Variants in RNU4-1 observed in about 807,000 individuals in gnomAD.
RNU4-1 encodes RNA, U4 small nuclear 1.
exon 1 of RNU4-1, chr12:120,293,199 T>TA (rs1872139460): frequency 6.6e-6 from 1 of 152,206 alleles, no homozygotes; most frequent in Non-Finnish European, 1.5e-5. Context: ...GCGCCTCGGA[T>TA]AGACCTCATT....
chr12:120,293,155 G>C (rs557504879), exon 1 of RNU4-1: 5 of 152,132 alleles, frequency 3.3e-5, no homozygotes, highest in Non-Finnish European at 5.9e-5. Context: ...CGTCACGGCG[G>C]GGTATTGGGA....
At position 120,293,133 on chromosome 12, in the gene RNU4-1, T is replaced by C. The variant is rs546365213; in HGVS notation, n.105A>G. 6.7e-4 allele frequency: 102 copies of C among 152,300 alleles called. 1 individual carries two copies. The highest frequency in any genetic ancestry group is 2.1e-3 in the African/African-American group (88 of 41,566). 9.4% of individuals were successfully genotyped at this position (152,300 alleles called of 1,614,324 possible). A position where few individuals can be genotyped will look rare whatever the true frequency, so the allele number is the denominator to read the frequency against. ...ACTGTCAAAAATTGCCAGTGCCGAC[T>C]ATATTGCAAGTCGTCACGGCGGGGT... On this transcript the variant is annotated non_coding_transcript_exon_variant, in exon 1 of 1. Coordinates refer to ENST00000363925, the Ensembl canonical transcript of RNU4-1.
exon 1 of RNU4-1, chr12:120,293,229 C>G (rs1010793507): frequency 1.3e-5 from 2 of 152,178 alleles, no homozygotes; most frequent in South Asian, 2.1e-4. Flanking sequence ...ACTGCCACTG[C>G]GCAAAGCTAA....
chr12:120,293,096 G>A (rs895393240), downstream of RNU4-1: 4 of 151,984 alleles, frequency 2.6e-5, no homozygotes, highest in East Asian at 1.9e-4. Context: ...AGAAAATTCA[G>A]TCTCCGTAGA....
exon 1 of RNU4-1, chr12:120,293,224 C>T (rs1041194675): frequency 4.6e-5 from 7 of 152,196 alleles, no homozygotes; most frequent in South Asian, 2.1e-4. Context: ...ACGATACTGC[C>T]ACTGCGCAAA....
exon 1 of RNU4-1, chr12:120,293,234 A>G (rs774740947): frequency 2.6e-5 from 4 of 152,208 alleles, no homozygotes; most frequent in Non-Finnish European, 5.9e-5. Context: ...CACTGCGCAA[A>G]GCTAATTTGT....
chr12:120,293,112 T>A (rs547356389), exon 1 of RNU4-1: 4 of 152,118 alleles, frequency 2.6e-5, no homozygotes, highest in African/African-American at 9.7e-5. Context: ...GTAGAGACTG[T>A]CAAAAATTGC....
chr12:120,293,209 T>C (rs190053144), exon 1 of RNU4-1: 12 of 152,192 alleles, frequency 7.9e-5, no homozygotes, highest in African/African-American at 1.2e-4. Context: ...TAGACCTCAT[T>C]GGCTACGATA....
At chr12:120,293,148 C>G (rs193036131) in exon 1 of RNU4-1, 2 of 152,278 alleles carry the variant, frequency 1.3e-5, no homozygotes, top group African/African-American at 2.4e-5. Context: ...TGCAAGTCGT[C>G]ACGGCGGGGT....
At chr12:120,293,189 G>C (rs752181116) in exon 1 of RNU4-1, 2 of 152,070 alleles carry the variant, frequency 1.3e-5, no homozygotes, top group African/African-American at 4.8e-5. Context: ...AGCAATAATC[G>C]CGCCTCGGAT....
exon 1 of RNU4-1, chr12:120,293,211 G>A (rs376853458): frequency 3.2e-4 from 48 of 152,274 alleles, no homozygotes; most frequent in East Asian, 1.5e-3. Context: ...GACCTCATTG[G>A]CTACGATACT....
At chr12:120,293,218 T>C (rs529241671) in exon 1 of RNU4-1, 10 of 152,338 alleles carry the variant, frequency 6.6e-5, no homozygotes, top group East Asian at 1.9e-4. Context: ...TTGGCTACGA[T>C]ACTGCCACTG....
exon 1 of RNU4-1, chr12:120,293,192 C>G (rs1252056834): frequency 1.3e-5 from 2 of 152,166 alleles, no homozygotes; most frequent in African/African-American, 4.8e-5. Flanking sequence ...AATAATCGCG[C>G]CTCGGATAGA....
At chr12:120,293,178 T>G (rs530939737) in exon 1 of RNU4-1, 1 of 152,140 alleles carries the variant, frequency 6.6e-6, no homozygotes, top group African/African-American at 2.4e-5. Flanking sequence ...AGTTTTCAAT[T>G]AGCAATAATC....
chr12:120,293,234 A>T (rs774740947), exon 1 of RNU4-1: 1 of 152,208 alleles, frequency 6.6e-6, no homozygotes, highest in Non-Finnish European at 1.5e-5. Context: ...CACTGCGCAA[A>T]GCTAATTTGT....
chr12:120,293,227 T>TA (rs1872145723), exon 1 of RNU4-1: 1 of 152,222 alleles, frequency 6.6e-6, no homozygotes, highest in Admixed American at 6.5e-5. Context: ...ATACTGCCAC[T>TA]GCGCAAAGCT....
exon 1 of RNU4-1, chr12:120,293,184 T>C (rs556757591): frequency 9.9e-5 from 15 of 152,160 alleles, no homozygotes; most frequent in South Asian, 2.1e-4. Context: ...CAATTAGCAA[T>C]AATCGCGCCT....
chr12:120,293,132 C>T (rs532724132), exon 1 of RNU4-1: 14 of 152,170 alleles, frequency 9.2e-5, no homozygotes, highest in Non-Finnish European at 1.6e-4. Flanking sequence ...CCAGTGCCGA[C>T]TATATTGCAA....
chr12:120,293,147 T>TA (rs1188370605), exon 1 of RNU4-1: 2 of 152,196 alleles, frequency 1.3e-5, no homozygotes, highest in Non-Finnish European at 2.9e-5. Context: ...TTGCAAGTCG[T>TA]CACGGCGGGG....
Sources: gnomAD v4.1 joint callset for allele counts on GRCh38, gnomAD v4.1.1 for gene constraint, MANE v1.5 for transcripts, NCBI Gene and HGNC (gene_info 2026-07-23, HGNC 2026-07-21) for gene names.